Variants in PROK2 observed in about 807,000 individuals in gnomAD.
PROK2 encodes the protein prokineticin 2, also known as prokineticin-2.
In PROK2, 8 loss-of-function variants were observed where a neutral mutation model predicts 14.2. That is an observed-to-expected ratio of 0.56 (90% CI 0.33 to 1.02). PROK2 has a LOEUF of 1.02. PROK2 is among the 50% of genes least tolerant of loss of function. The pLI, the probability that PROK2 is intolerant of heterozygous loss-of-function variation, is 0.03. For missense variants in PROK2, 154 were observed against 160.4 expected (o/e 0.96, Z 0.22); for synonymous variants, 59 against 60.7 (o/e 0.97, Z 0.13).
In PROK2 at chr3:71,782,459, T is replaced by C. The variant is rs957609557; in HGVS notation, c.97-867A>G. The stretch of plus-strand genomic sequence containing the variant: ...ATGAAACAATCAACTATGGAGGAAT[T>C]TCCATACTCTAGTAAATAGAAATAA... On this transcript the variant is annotated intron_variant, in intron 1 of 3. Transcript: ENST00000295619. Among the ~76,000 whole-genome samples, 36 of 152,202 alleles carry C rather than the reference T, an allele frequency of 2.4e-4. 1 individual carries two copies. The highest frequency in any genetic ancestry group is 2.4e-3 in the Admixed American group (36 of 15,282).
chr3:71,784,890 G>T, intron 1 of PROK2, 67 bp downstream of exon 1: 1 of 1,189,792 alleles, frequency 8.4e-7, no homozygotes, highest in Non-Finnish European at 1.1e-6. Flanking sequence ...CAGGGTCCCC[G>T]TCCCAAGCCC....
Position 71,778,672 on chromosome 3 carries a change from A to G in PROK2, c.222+2795T>C, listed in dbSNP as rs1040087660. 3.9e-5 allele frequency among the ~76,000 whole-genome samples: 6 copies of G among 152,336 alleles called. No individual in the cohort carries two copies. In the South Asian group the frequency reaches 8.3e-4, roughly 21 times the overall value. ...TTGAATACTGTACATAATGTTCATC[A>G]GTATGTATTGAGGAAAGACTTTTTT... On this transcript the variant is annotated intron_variant, in intron 2 of 3. Coordinates refer to ENST00000295619, the MANE Select transcript of PROK2 (RefSeq NM_001126128.2).
Position 71,774,503 on chromosome 3 carries a change from T to C in PROK2, c.227A>G (p.Asn76Ser), listed in dbSNP as rs1348400555. The change falls in exon 3 of 4, where the codon AAT (asparagine) becomes AGT (serine). Residue 76 changes from asparagine to serine, a missense_variant. Asn to Ser is a conservative substitution (Grantham distance 46). Transcript: ENST00000295619. ...DSCHPLTRKN[N>S]FGNGRQERRK... ...TCTTTCCTGCCTTCCATTTCCAAAA[T>C]TGTTCTGGAAGGGCCAGGGAGACGA... 6.4e-7 allele frequency: 1 copy of C among 1,551,092 alleles called. No homozygotes were observed. Among genetic ancestry groups the C allele is most frequent in the East Asian group, 2.4e-5 (1 of 40,888 alleles).
rs2050084261 is a variant in PROK2 at position 71,772,155 on chromosome 3, T to A, written c.*569A>T. 1 of 160,528 alleles carries A rather than the reference T, an allele frequency of 6.2e-6. No individual in the cohort carries two copies. The highest frequency in any genetic ancestry group is 1.4e-5 in the Non-Finnish European group (1 of 73,606). The allele number at this position is 160,528 out of a possible 1,614,324, so 9.9% of individuals were successfully genotyped here. ...GTTCACATATACACTCTTTTCACTA[T>A]TTAAATGCCAGCAAAAAGCTGGATT... On this transcript the variant is annotated 3_prime_UTR_variant, in exon 4 of 4. Coordinates refer to ENST00000295619, the MANE Select transcript of PROK2 (RefSeq NM_001126128.2).
At chr3:71,779,060 G>C (rs1214742234) in intron 2 of PROK2, among the ~76,000 whole-genome samples, 1 of 152,176 alleles carries the variant, frequency 6.6e-6, no homozygotes, top group East Asian at 1.9e-4. Context: ...TGAAATTGAA[G>C]TTATCTAGGA....
intron 2 of PROK2, among the ~76,000 whole-genome samples, chr3:71,777,617 G>A (rs1194513791): frequency 2.0e-5 from 3 of 151,932 alleles, no homozygotes; most frequent in African/African-American, 4.8e-5. Context: ...CATAAAAAGC[G>A]CAGGAAAATT....
intron 2 of PROK2, among the ~76,000 whole-genome samples, chr3:71,778,143 G>A (rs902385968): frequency 1.3e-5 from 2 of 150,554 alleles, no homozygotes; most frequent in East Asian, 2.0e-4. Context: ...CTTGCAGTGA[G>A]CCGAGATCAC....
At chr3:71,776,505 G>A (rs755977409) in intron 2 of PROK2, among the ~76,000 whole-genome samples, 34 of 151,220 alleles carry the variant, frequency 2.2e-4, no homozygotes, top group Non-Finnish European at 3.8e-4. Flanking sequence ...AGCCTTCCAC[G>A]TAGCTGGGAC....
At chr3:71,773,909 T>C (rs2050099438) in intron 3 of PROK2, among the ~76,000 whole-genome samples, 1 of 152,122 alleles carries the variant, frequency 6.6e-6, no homozygotes. Flanking sequence ...AGATAGCAAA[T>C]GTTATTTTCC....
intron 2 of PROK2, 57 bp downstream of exon 2, chr3:71,781,410 C>A: frequency 2.5e-6 from 4 of 1,589,754 alleles, no homozygotes; most frequent in Non-Finnish European, 3.5e-6. Flanking sequence ...GTCATACAGA[C>A]CCTGCTCAGA....
chr3:71,780,576 C>T (rs528042570), intron 2 of PROK2, among the ~76,000 whole-genome samples: 10 of 152,294 alleles, frequency 6.6e-5, no homozygotes, highest in Non-Finnish European at 8.8e-5. Context: ...CTTGTTGCAA[C>T]GCCACTGGAG....
intron 3 of PROK2, 32 bp from the exon 4 acceptor site, chr3:71,772,860 G>C: frequency 6.3e-7 from 1 of 1,588,918 alleles, no homozygotes. Context: ...GTCAGAGCTG[G>C]AAAGGTTTCA....
intron 2 of PROK2, among the ~76,000 whole-genome samples, chr3:71,779,560 A>G (rs1240423955): frequency 6.6e-6 from 1 of 152,212 alleles, no homozygotes. Context: ...ATGTGATTCT[A>G]GCATCTAGGG....
intron 1 of PROK2, among the ~76,000 whole-genome samples, chr3:71,781,868 A>G (rs1366318627): frequency 6.6e-6 from 1 of 152,152 alleles, no homozygotes; most frequent in Non-Finnish European, 1.5e-5. Flanking sequence ...AAATGAAATC[A>G]GCTCTCTTTT....
Position 71,772,656 on chromosome 3 carries a change from G to T in PROK2, c.*68C>A. On this transcript the variant is annotated 3_prime_UTR_variant, in exon 4 of 4. Transcript: ENST00000295619. ...TTCTTTCTGGCACATTTTTTGTTTG[G>T]CACAATCACAAGTAAGACTTTACAG... The T allele has an allele frequency of 7.2e-7, 1 of 1,388,254 alleles. No homozygotes were observed. The highest frequency in any genetic ancestry group is 1.0e-6 in the Non-Finnish European group (1 of 977,412). 86.0% of individuals were successfully genotyped at this position (1,388,254 alleles called of 1,614,324 possible).
At chr3:71,776,668 G>A (rs114038665) in intron 2 of PROK2, among the ~76,000 whole-genome samples, 31 of 152,162 alleles carry the variant, frequency 2.0e-4, no homozygotes, top group African/African-American at 6.7e-4. Context: ...GTGAGTCACT[G>A]TGCCTGGCCA....
At chr3:71,776,083 G>C (rs2050115294) in intron 2 of PROK2, among the ~76,000 whole-genome samples, 1 of 152,064 alleles carries the variant, frequency 6.6e-6, no homozygotes. Flanking sequence ...GAGGGACCCT[G>C]GTAGTGTGTT....
chr3:71,772,721 C>A lies in PROK2; in HGVS notation c.*3G>T, dbSNP rs201184081. 1 of 1,611,814 alleles carries A rather than the reference C, an allele frequency of 6.2e-7. No homozygotes were observed. Among genetic ancestry groups the A allele is most frequent in the East Asian group, 2.2e-5 (1 of 44,858 alleles). On this transcript the variant is annotated 3_prime_UTR_variant, in exon 4 of 4. Transcript: ENST00000295619. ...TTCACATTTGGTTTCTACTCCAGAGCGATTACTTTTGGGCTAAACAAATAA... is the reference window on the plus strand; with the variant it reads ...TTCACATTTGGTTTCTACTCCAGAGAGATTACTTTTGGGCTAAACAAATAA...
At chr3:71,773,367 G>C (rs544817707) in intron 3 of PROK2, among the ~76,000 whole-genome samples, 4 of 152,250 alleles carry the variant, frequency 2.6e-5, no homozygotes, top group Middle Eastern at 3.4e-3. Context: ...CCATTTTACC[G>C]ATGAGAGAAT....
Sources: allele counts gnomAD v4.1 joint callset (sites outside exome capture counted in the v4.1 genomes callset), GRCh38; gene constraint gnomAD v4.1.1; transcripts MANE v1.5; gene names NCBI Gene and HGNC (gene_info 2026-07-23, HGNC 2026-07-21).